The following PRKG1 variants were observed in gnomAD, a reference collection of about 807,000 sequenced individuals.
PRKG1 encodes the protein cGMP-dependent protein kinase 1.
A neutral mutation model predicts 88.1 loss-of-function variants in PRKG1; 35 were observed. The ratio of observed to expected loss-of-function variants is 0.40; its 90% CI spans 0.30 to 0.53. The LOEUF (loss-of-function observed/expected upper bound fraction) is 0.53, where lower values mean the gene tolerates loss of function less well. Ranked by LOEUF, PRKG1 falls within the 20% of genes least tolerant of loss-of-function variation. The pLI, the probability that PRKG1 is intolerant of heterozygous loss-of-function variation, is 0.59. For missense variants in PRKG1, 540 were observed against 839.8 expected, an observed-to-expected ratio of 0.64 and a Z score of 4.41; for synonymous variants, 303 against 292.5, an observed-to-expected ratio of 1.04 and a Z score of -0.37.
chr10:51,200,543 C>A (rs1451188822), intron 2 of PRKG1, among the ~76,000 whole-genome samples: 1 of 152,136 alleles, frequency 6.6e-6, no homozygotes, highest in Non-Finnish European at 1.5e-5. Flanking sequence ...GTCTCCCTTA[C>A]CAGATTGTAA....
Position 51,773,588 on chromosome 10 carries a change from TA to T in PRKG1, c.593-30991del, listed in dbSNP as rs576702255. On this transcript the variant is annotated intron_variant, in intron 3 of 17. Transcript: ENST00000373980. ...AAACCAGAACAAACCTTAAGCTTTT[TA>T]AAAAATATGATTTACCTCTTTCCTA... Among the ~76,000 whole-genome samples, 5 of 152,224 alleles carry T rather than the reference TA, an allele frequency of 3.3e-5. No homozygotes were observed. In the South Asian group the frequency reaches 8.3e-4, roughly 25 times the overall value.
chr10:51,273,696 A>G (rs1934399031), intron 2 of PRKG1, among the ~76,000 whole-genome samples: 1 of 152,232 alleles, frequency 6.6e-6, no homozygotes, highest in Admixed American at 6.5e-5. Context: ...TAAAATTTGC[A>G]GAGTGTGGCA....
chr10:51,575,871 G>A (rs1837872818), intron 3 of PRKG1, among the ~76,000 whole-genome samples: 1 of 151,744 alleles, frequency 6.6e-6, no homozygotes, highest in African/African-American at 2.4e-5. Context: ...TTAGAGTTAA[G>A]TATGAAACAA....
intron 5 of PRKG1, among the ~76,000 whole-genome samples, chr10:51,931,739 A>G (rs1028447179): frequency 8.5e-5 from 13 of 152,244 alleles, no homozygotes; most frequent in African/African-American, 2.4e-4. Context: ...ATAATTTTGC[A>G]TATTCCTTCT....
chr10:52,124,699 T>C (rs1288772132), intron 7 of PRKG1, among the ~76,000 whole-genome samples: 3 of 152,290 alleles, frequency 2.0e-5, no homozygotes, highest in African/African-American at 7.2e-5. Flanking sequence ...TAATTTCTTT[T>C]CTAATAATTT....
chr10:51,953,323 A>G (rs1843228416), intron 5 of PRKG1, among the ~76,000 whole-genome samples: 1 of 152,208 alleles, frequency 6.6e-6, no homozygotes, highest in Admixed American at 6.5e-5. Flanking sequence ...GTCAATGTAG[A>G]GGTAGAAGTG....
chr10:51,486,601 A>G (rs1403750043), intron 3 of PRKG1, among the ~76,000 whole-genome samples: 1 of 152,092 alleles, frequency 6.6e-6, no homozygotes, highest in Non-Finnish European at 1.5e-5. Context: ...ATTTTGAGTA[A>G]TCTCAAAATC....
intron 1 of PRKG1, among the ~76,000 whole-genome samples, chr10:51,030,932 A>T (rs1471580017): frequency 1.3e-5 from 2 of 152,154 alleles, no homozygotes; most frequent in Non-Finnish European, 2.9e-5. Context: ...TTATGGCAAC[A>T]CAAAATGGAC....
intron 1 of PRKG1, among the ~76,000 whole-genome samples, chr10:51,130,947 A>G (rs1845551660): frequency 6.6e-6 from 1 of 152,132 alleles, no homozygotes. Context: ...AGAAAAGCTA[A>G]ATAGTGATTA....
intron 4 of PRKG1, among the ~76,000 whole-genome samples, chr10:51,868,283 G>T (rs912424372): frequency 2.0e-5 from 3 of 152,146 alleles, no homozygotes; most frequent in African/African-American, 7.2e-5. Flanking sequence ...GGACAGTAAG[G>T]ATGAAGCGCC....
Position 52,179,014 on chromosome 10 carries a change from T to C in PRKG1, c.1076+17051T>C, listed in dbSNP as rs192916015. 4.4e-3 allele frequency among the ~76,000 whole-genome samples: 677 copies of C among 152,218 alleles called. 3 individuals carry two copies. Among genetic ancestry groups the C allele is most frequent in the African/African-American group, 0.016 (650 of 41,556 alleles). ...AATCCATTTTAACTCAAGGTTATTA[T>C]TGACAGGTGAAGACTTATTCTTGTC... On this transcript the variant is annotated intron_variant, in intron 9 of 17. Coordinates refer to ENST00000373980, the MANE Select transcript of PRKG1 (RefSeq NM_006258.4).
At chr10:51,350,841 G>T (rs1035666278) in intron 2 of PRKG1, among the ~76,000 whole-genome samples, 1 of 152,068 alleles carries the variant, frequency 6.6e-6, no homozygotes, top group African/African-American at 2.4e-5. Flanking sequence ...AGGTATACGC[G>T]TGCCATGGTG....
chr10:52,155,459 A>T (rs1372771300), intron 8 of PRKG1, among the ~76,000 whole-genome samples: 1 of 152,080 alleles, frequency 6.6e-6, no homozygotes, highest in Non-Finnish European at 1.5e-5. Flanking sequence ...GTCATTTCAT[A>T]TTGGATATTT....
intron 3 of PRKG1, among the ~76,000 whole-genome samples, chr10:51,648,837 A>T (rs1839974765): frequency 6.6e-6 from 1 of 152,214 alleles, no homozygotes; most frequent in Non-Finnish European, 1.5e-5. Flanking sequence ...ACTATGTCAC[A>T]TGGAGGAAGT....
chr10:51,139,307 C>A (rs748806919), intron 1 of PRKG1, among the ~76,000 whole-genome samples: 1 of 152,156 alleles, frequency 6.6e-6, no homozygotes, highest in Non-Finnish European at 1.5e-5. Context: ...TCATTTCTAA[C>A]AAATCATTGG....
intron 2 of PRKG1, among the ~76,000 whole-genome samples, chr10:51,374,103 T>A (rs958846253): frequency 4.4e-5 from 6 of 137,814 alleles, no homozygotes; most frequent in Admixed American, 3.6e-4. Context: ...AATATATATA[T>A]ATATATATAT....
chr10:51,655,948 G>A (rs1840150410), intron 3 of PRKG1, among the ~76,000 whole-genome samples: 1 of 152,138 alleles, frequency 6.6e-6, no homozygotes, highest in Non-Finnish European at 1.5e-5. Context: ...TTCAAGTGCT[G>A]GGAGATTTGG....
At chr10:52,111,975 G>A (rs1847575032) in intron 7 of PRKG1, among the ~76,000 whole-genome samples, 1 of 152,140 alleles carries the variant, frequency 6.6e-6, no homozygotes, top group East Asian at 1.9e-4. Context: ...TAACATCACA[G>A]CCTTCTATTC....
At chr10:52,106,652 C>T (rs994251310) in intron 7 of PRKG1, among the ~76,000 whole-genome samples, 8 of 150,362 alleles carry the variant, frequency 5.3e-5, no homozygotes, top group Non-Finnish European at 1.0e-4. Flanking sequence ...TGCAGTGAGC[C>T]GAGATCGCGC....
Sources: allele counts gnomAD v4.1 joint callset (sites outside exome capture counted in the v4.1 genomes callset), GRCh38; gene constraint gnomAD v4.1.1; transcripts MANE v1.5; gene names NCBI Gene and HGNC (gene_info 2026-07-23, HGNC 2026-07-21).